The following SLC36A1 variants were observed in gnomAD, a reference collection of about 807,000 sequenced individuals.
SLC36A1 encodes solute carrier family 36 member 1.
A neutral mutation model predicts 47.5 loss-of-function variants in SLC36A1; 30 were observed. The ratio of observed to expected loss-of-function variants is 0.63; its 90% confidence interval spans 0.47 to 0.86. The LOEUF (loss-of-function observed/expected upper bound fraction) is 0.86. Among genes scored for constraint, SLC36A1 ranks in the 40% least tolerant of loss-of-function variants. The pLI, the probability that SLC36A1 is intolerant of heterozygous loss-of-function variation, is 0.00. For missense variants in SLC36A1, 517 were observed against 606.0 expected (o/e 0.85, Z 1.54); for synonymous variants, 255 against 249.7 (o/e 1.02, Z -0.20).
the SLC36A1 span, among the ~76,000 whole-genome samples, chr5:151,388,024 T>C: frequency 6.6e-6 from 1 of 152,218 alleles, no homozygotes; most frequent in East Asian, 1.9e-4. Flanking sequence ...GAAATAGCCC[T>C]GCAAAGTTGT....
chr5:151,357,840 G>T, the SLC36A1 span, among the ~76,000 whole-genome samples: 1 of 152,182 alleles, frequency 6.6e-6, no homozygotes, highest in Non-Finnish European at 1.5e-5. Context: ...TATTCTCCAC[G>T]ATTAAAACCT....
rs779101845 is a variant in SLC36A1, at chr5:151,476,737, C to T, written c.970C>T (p.Leu324Phe). The change falls in exon 9 of 11, where the codon CTC (leucine) becomes TTC (phenylalanine). Residue 324 changes from leucine (L) to phenylalanine (F), a missense_variant. Transcript: ENST00000243389. The stretch of plus-strand genomic sequence containing the variant: ...AGCTAATATCCAAGGCAGCATAACC[C>T]TCAACCTGCCCAACTGCTGGTACGT... ...FGANIQGSIT[L>F]NLPNCWLYQS... 3 of 1,611,422 alleles carry T rather than the reference C, an allele frequency of 1.9e-6. No homozygotes were observed. The highest frequency in any genetic ancestry group is 1.1e-5 in the South Asian group (1 of 90,652).
the SLC36A1 span, among the ~76,000 whole-genome samples, chr5:151,421,060 A>C: frequency 5.3e-5 from 8 of 151,068 alleles, no homozygotes; most frequent in Non-Finnish European, 8.9e-5. Flanking sequence ...TTTTTAGTAG[A>C]GACGGGGTTT....
chr5:151,504,066 C>CCAAA, the SLC36A1 span: 48 of 152,524 alleles, frequency 3.1e-4, no homozygotes, highest in African/African-American at 1.1e-3. Context: ...TCCCCTGACC[C>CCAAA]CAAACAGGCT....
the SLC36A1 span, among the ~76,000 whole-genome samples, chr5:151,367,374 T>TTTTTTTTTTTTTTTTTTCC: frequency 6.2e-5 from 9 of 145,466 alleles, no homozygotes; most frequent in Non-Finnish European, 6.0e-5. Flanking sequence ...TTTTTTTTTT[T>TTTTTTTTTTTTTTTTTTCC]CCCCAGGGTA....
chr5:151,540,533 T>C, the SLC36A1 span: 1 of 1,583,426 alleles, frequency 6.3e-7, no homozygotes, highest in Non-Finnish European at 8.6e-7. Context: ...TTCCTTGCCT[T>C]CACTACCCAC....
At chr5:151,378,843 G>A in the SLC36A1 span, among the ~76,000 whole-genome samples, 1 of 152,218 alleles carries the variant, frequency 6.6e-6, no homozygotes, top group African/African-American at 2.4e-5. Context: ...TCACTTGGCT[G>A]GCACACAGCC....
the SLC36A1 span, among the ~76,000 whole-genome samples, chr5:151,399,084 A>ATATATATATATT: frequency 5.5e-4 from 33 of 60,034 alleles, no homozygotes; most frequent in African/African-American, 1.0e-3. Context: ...ATATATATAT[A>ATATATATATATT]TTTTTTTTTT....
At chr5:151,354,556 C>T in the SLC36A1 span, among the ~76,000 whole-genome samples, 1 of 152,160 alleles carries the variant, frequency 6.6e-6, no homozygotes, top group Non-Finnish European at 1.5e-5. Context: ...GTCCAACCTC[C>T]TCATTTTATA....
the SLC36A1 span, chr5:151,382,270 C>A: frequency 7.7e-7 from 1 of 1,303,254 alleles, no homozygotes; most frequent in Non-Finnish European, 1.1e-6. Flanking sequence ...AGCTACATAG[C>A]ACACACAGGC....
intron 2 of SLC36A1, 98 bp downstream of exon 2, chr5:151,459,033 T>G: frequency 7.3e-7 from 1 of 1,361,462 alleles, no homozygotes; most frequent in Non-Finnish European, 1.0e-6. Context: ...TCCTCCACTT[T>G]ACAGATGAAG....
At chr5:151,384,119 C>CA in the SLC36A1 span, among the ~76,000 whole-genome samples, 18 of 149,402 alleles carry the variant, frequency 1.2e-4, no homozygotes, top group African/African-American at 2.2e-4. Context: ...TTGTATCTTC[C>CA]AAAAAAAAAA....
the SLC36A1 span, among the ~76,000 whole-genome samples, chr5:151,498,774 T>C: frequency 0.012 from 1,864 of 152,310 alleles, 66 homozygotes; most frequent in East Asian, 0.13. Flanking sequence ...CCCTCCTTTC[T>C]GTGCTAAATT....
the SLC36A1 span, chr5:151,543,752 C>T: frequency 6.2e-6 from 10 of 1,614,056 alleles, no homozygotes; most frequent in Admixed American, 1.7e-5. Flanking sequence ...CGGAAGACTC[C>T]ATCAGAAGCA....
intron 7 of SLC36A1, among the ~76,000 whole-genome samples, chr5:151,468,708 C>A (rs1756934171): frequency 6.6e-6 from 1 of 151,730 alleles, no homozygotes; most frequent in Non-Finnish European, 1.5e-5. Flanking sequence ...AAATCGCCCC[C>A]CCACCCAGGG....
chr5:151,539,377 T>C, the SLC36A1 span, among the ~76,000 whole-genome samples: 1 of 152,242 alleles, frequency 6.6e-6, no homozygotes, highest in African/African-American at 2.4e-5. Flanking sequence ...TCGAAGTTTG[T>C]ATATATGCAA....
chr5:151,370,292 G>A, the SLC36A1 span, among the ~76,000 whole-genome samples: 5 of 152,180 alleles, frequency 3.3e-5, no homozygotes, highest in African/African-American at 7.2e-5. Context: ...CAGTTCTGAT[G>A]TATTTAGTGT....
In SLC36A1 at chr5:151,458,547, T is replaced by C. The variant is rs570922113; in HGVS notation, c.-5-241T>C. Among the ~76,000 whole-genome samples, 4 of 152,058 alleles carry C rather than the reference T, an allele frequency of 2.6e-5. No homozygotes were observed. The East Asian group carries it at 5.8e-4, about 22-fold the overall frequency. On this transcript the variant is annotated intron_variant, in intron 1 of 10. Transcript: ENST00000243389. The stretch of plus-strand genomic sequence containing the variant: ...TCCGGAAAATTAAGAAATTTATGAG[T>C]GTAGCACCACGTATACCAATGGGAA...
At chr5:151,462,553 C>A (rs564697971) in intron 2 of SLC36A1, among the ~76,000 whole-genome samples, 1 of 151,784 alleles carries the variant, frequency 6.6e-6, no homozygotes, top group Non-Finnish European at 1.5e-5. Context: ...TTAGTAGAGA[C>A]GGGGTTTCAC....
Sources: gnomAD v4.1 joint callset for allele counts (sites outside exome capture counted in the v4.1 genomes callset) on GRCh38, gnomAD v4.1.1 for gene constraint, MANE v1.5 for transcripts, NCBI Gene and HGNC (gene_info 2026-07-23, HGNC 2026-07-21) for gene names.